The following SYT12 variants were observed in gnomAD, a reference collection of about 807,000 sequenced individuals.
SYT12 encodes the protein synaptotagmin-12.
A neutral mutation model predicts 39.5 loss-of-function variants in SYT12; 27 were observed. That is an observed-to-expected ratio of 0.68 (90% CI 0.50 to 0.94). The LOEUF (loss-of-function observed/expected upper bound fraction) is 0.94, where lower values mean the gene tolerates loss of function less well. Among genes scored for constraint, SYT12 ranks in the 40% least tolerant of loss-of-function variants. SYT12 has a pLI of 0.00. For synonymous variants in SYT12, 233 were observed against 239.7 expected, an observed-to-expected ratio of 0.97 and a Z score of 0.26; for missense variants, 536 against 572.6, an observed-to-expected ratio of 0.94 and a Z score of 0.65.
chr11:67,035,790 TTTCCTTCCTTCCTTCC>T (rs1172307451), intron 3 of SYT12, among the ~76,000 whole-genome samples: 4 of 73,172 alleles, frequency 5.5e-5, no homozygotes, highest in Admixed American at 1.6e-4. Context: ...TTTTCTTTTC[TTTCCTTCCTTCCTTCC>T]TTCCTTCCTT....
At chr11:67,047,111 C>A (rs897728308) in intron 7 of SYT12, among the ~76,000 whole-genome samples, 3 of 150,720 alleles carry the variant, frequency 2.0e-5, no homozygotes, top group Non-Finnish European at 4.4e-5. Context: ...ATTACAGGCA[C>A]CTGCCACCAC....
intron 4 of SYT12, among the ~76,000 whole-genome samples, chr11:67,041,499 A>T (rs1401905483): frequency 1.3e-5 from 2 of 152,198 alleles, no homozygotes; most frequent in Admixed American, 6.5e-5. Flanking sequence ...AATAAATTTT[A>T]AAAATGAAAA....
chr11:67,048,767 C>T lies in SYT12; in HGVS notation c.*10C>T, dbSNP rs374194918. On this transcript the variant is annotated 3_prime_UTR_variant, in exon 8 of 8. Coordinates refer to ENST00000527043, the MANE Select transcript of SYT12 (RefSeq NM_177963.4). ...TGTCCGGCGAAACTAGCAACCAGGG[C>T]GGGCCAGTTGGGCAATGGAGCTGCT... The T allele has an allele frequency of 7.1e-5, 112 of 1,588,036 alleles. No homozygotes were observed. The African/African-American group carries it at 1.2e-3, about 16-fold the overall frequency.
intron 4 of SYT12, among the ~76,000 whole-genome samples, chr11:67,040,656 G>A (rs1014566336): frequency 2.8e-4 from 43 of 151,188 alleles, no homozygotes; most frequent in African/African-American, 1.0e-3. Context: ...TGCCTAACAC[G>A]GTGAAACCCC....
intron 7 of SYT12, among the ~76,000 whole-genome samples, chr11:67,046,192 G>A (rs1388181256): frequency 6.6e-6 from 1 of 152,198 alleles, no homozygotes; most frequent in Non-Finnish European, 1.5e-5. Flanking sequence ...GGAGGGAACT[G>A]CAGAGGGTTG....
intron 2 of SYT12, 76 bp downstream of exon 2, chr11:67,030,254 T>C: frequency 1.3e-6 from 2 of 1,532,674 alleles, no homozygotes; most frequent in Non-Finnish European, 1.8e-6. Flanking sequence ...GAGGTGTCTG[T>C]GGGACATGAA....
rs1483012698 is a variant in SYT12 at position 67,044,681 on chromosome 11, A to C, written c.926A>C (p.Asn309Thr). 6.2e-7 allele frequency: 1 copy of C among 1,613,568 alleles called. No individual in the cohort carries two copies. Among genetic ancestry groups the C allele is most frequent in the Non-Finnish European group, 8.5e-7 (1 of 1,179,940 alleles). The change falls in exon 6 of 8, where the codon AAC becomes ACC. Residue 309 changes from asparagine to threonine, a missense_variant. By Grantham distance (65) the Asn-to-Thr change is moderately conservative (BLOSUM62 0). Transcript: ENST00000527043. Reference protein sequence around the residue: ...RLTVVVVKAKNLIWTNDKTTA... With the variant: ...RLTVVVVKAKTLIWTNDKTTA... Reference sequence around the variant, plus strand: ...ACCGTGGTCGTGGTTAAGGCCAAGAACCTCATCTGGACCAACGACAAGACC... The same window carrying C: ...ACCGTGGTCGTGGTTAAGGCCAAGACCCTCATCTGGACCAACGACAAGACC...
chr11:67,036,110 G>A (rs150383620), intron 3 of SYT12, among the ~76,000 whole-genome samples: 4,159 of 151,486 alleles, frequency 0.027, 182 homozygotes, highest in African/African-American at 0.089. Context: ...TAGAGACGGG[G>A]TTTCACCATG....
At chr11:67,007,895 G>GT (rs1422283699) in intron 1 of SYT12, among the ~76,000 whole-genome samples, 3 of 151,612 alleles carry the variant, frequency 2.0e-5, no homozygotes, top group Non-Finnish European at 4.4e-5. Flanking sequence ...TGGAAAGAGG[G>GT]TTTTTTCCTT....
intron 3 of SYT12, among the ~76,000 whole-genome samples, chr11:67,038,018 C>T (rs1339590731): frequency 6.7e-6 from 1 of 149,202 alleles, no homozygotes; most frequent in African/African-American, 2.5e-5. Flanking sequence ...TCGCACTCCA[C>T]CCTGGGCAAG....
rs112423848 is a variant in SYT12, at chr11:67,045,830, G to T, written c.1045G>T (p.Val349Leu). 1.9e-6 allele frequency: 3 copies of T among 1,613,748 alleles called. No individual in the cohort carries two copies. The highest frequency in any genetic ancestry group is 2.7e-5 in the African/African-American group (2 of 74,834). Residue 349 changes from valine (V) to leucine (L), a missense_variant, in exon 7 of 8, where the codon GTG becomes TTG. By Grantham distance (32) the Val-to-Leu change is conservative. Transcript: ENST00000527043. The part of the protein sequence containing the change: ...TAVKRDDPNP[V>L]FNEAMIFSVP... ...CGTGAAGAGGGATGACCCCAACCCG[G>T]TGTTCAACGAAGCCATGATCTTCTC...
intron 1 of SYT12, 29 bp downstream of exon 1, chr11:67,023,489 C>G (rs1009277497): frequency 1.1e-4 from 16 of 151,574 alleles, no homozygotes; most frequent in African/African-American, 3.6e-4. Context: ...GACCCCCGTG[C>G]GCGGCCGGGA....
At chr11:67,010,878 G>A (rs973194076) in exon 3 of SYT12, 1 of 152,180 alleles carries the variant, frequency 6.6e-6, no homozygotes, top group Non-Finnish European at 1.5e-5. Context: ...GAATTTTGGG[G>A]TCAGAGCCGT....
At chr11:67,043,449 G>A (rs1474477890) in intron 4 of SYT12, among the ~76,000 whole-genome samples, 189 bp from the exon 5 acceptor site, 5 of 152,150 alleles carry the variant, frequency 3.3e-5, no homozygotes, top group South Asian at 4.1e-4. Context: ...TAGATTGGCC[G>A]CCACTGAGGA....
chr11:67,050,755 G>A lies in SYT12; in HGVS notation c.*1998G>A, dbSNP rs1477711771. 6.6e-6 allele frequency: 1 copy of A among 152,266 alleles called. No individual in the cohort carries two copies. Among genetic ancestry groups the A allele is most frequent in the East Asian group, 1.9e-4 (1 of 5,192 alleles). 9.4% of individuals were successfully genotyped at this position (152,266 alleles called of 1,614,324 possible). A position where few individuals can be genotyped will look rare whatever the true frequency, so the allele number is the denominator to read the frequency against. ...CCCAGGACAGCCGTGGTGGGGACCGGGTATGCCAACTGGAATGATTCTAGA... is the reference window on the plus strand; with the variant it reads ...CCCAGGACAGCCGTGGTGGGGACCGAGTATGCCAACTGGAATGATTCTAGA... On this transcript the variant is annotated 3_prime_UTR_variant, in exon 8 of 8. Coordinates refer to ENST00000527043, the MANE Select transcript of SYT12 (RefSeq NM_177963.4).
chr11:67,013,008 G>A (rs1020843690), intron 3 of SYT12, among the ~76,000 whole-genome samples: 7 of 152,178 alleles, frequency 4.6e-5, no homozygotes, highest in Admixed American at 3.9e-4. Context: ...TCATTCCTGA[G>A]TTCCAGATCT....
At chr11:67,043,923 A>G (rs1950562312) in intron 5 of SYT12, 70 bp downstream of exon 5, 1 of 1,304,116 alleles carries the variant, frequency 7.7e-7, no homozygotes, top group Non-Finnish European at 1.1e-6. Flanking sequence ...AAGGGACTCC[A>G]TCATCCTCAT....
rs1414894611 is a variant in SYT12 at position 67,039,934 on chromosome 11, C to G, written c.352C>G (p.Arg118Gly). Residue 118 changes from arginine (R) to glycine (G), a missense_variant, in exon 4 of 8, where the codon CGG becomes GGG. Arg to Gly is a moderately radical substitution (Grantham distance 125, BLOSUM62 -2). Transcript: ENST00000527043. Reference sequence around the variant, plus strand: ...ACTGGGGCCTCTGGAGCTGATGGGCCGGGAGTTGGACCTGGCCCCCTATGG... The same window carrying G: ...ACTGGGGCCTCTGGAGCTGATGGGCGGGGAGTTGGACCTGGCCCCCTATGG... ...SELGPLELMG[R>G]ELDLAPYGTL... The G allele has an allele frequency of 2.5e-6, 4 of 1,613,718 alleles. No homozygotes were observed. In the East Asian group the frequency reaches 8.9e-5, roughly 36 times the overall value.
At chr11:67,007,589 A>C (rs2136191048) in intron 1 of SYT12, 1 of 152,242 alleles carries the variant, frequency 6.6e-6, no homozygotes, top group South Asian at 2.1e-4. Context: ...TTTGAGACAG[A>C]GTTTCACTGT....
Sources: gnomAD v4.1 joint callset for allele counts (sites outside exome capture counted in the v4.1 genomes callset) on GRCh38, gnomAD v4.1.1 for gene constraint, MANE v1.5 for transcripts, NCBI Gene and HGNC (gene_info 2026-07-23, HGNC 2026-07-21) for gene names.